Variants in BABAM2 observed in about 807,000 individuals in gnomAD.
The protein encoded by BABAM2 is BRISC and BRCA1-A complex member 2.
In BABAM2, 31 loss-of-function variants were observed where a neutral mutation model predicts 54.7. The observed-to-expected ratio is 0.57, with a 90% CI of 0.43 to 0.77. The LOEUF is 0.77. BABAM2 is among the 30% of genes least tolerant of loss of function. The probability of loss-of-function intolerance (pLI) is 0.00; values close to 1 mark genes in which losing one functional copy is unlikely to be tolerated. For synonymous variants in BABAM2, 167 were observed against 162.9 expected, an observed-to-expected ratio of 1.03 and a Z score of -0.19; for missense variants, 364 against 455.8, an observed-to-expected ratio of 0.80 and a Z score of 1.83.
At chr2:28,296,943 C>T (rs1409181612) in intron 10 of BABAM2, among the ~76,000 whole-genome samples, 4 of 152,204 alleles carry the variant, frequency 2.6e-5, no homozygotes, top group Non-Finnish European at 5.9e-5. Flanking sequence ...CCACCTCCGC[C>T]TCCCAGAGTG....
At chr2:28,230,789 T>C (rs375288579) in intron 7 of BABAM2, among the ~76,000 whole-genome samples, 1 of 152,058 alleles carries the variant, frequency 6.6e-6, no homozygotes, top group Non-Finnish European at 1.5e-5. Context: ...ATTTATGTTC[T>C]TCTGGGTTTT....
intron 3 of BABAM2, among the ~76,000 whole-genome samples, chr2:27,968,033 G>GA (rs1670948108): frequency 6.6e-6 from 1 of 152,228 alleles, no homozygotes; most frequent in Non-Finnish European, 1.5e-5. Flanking sequence ...ATTCTGAAGA[G>GA]AAAATTCAAG....
At chr2:27,940,234 A>G (rs1430913539) in intron 3 of BABAM2, among the ~76,000 whole-genome samples, 1 of 152,226 alleles carries the variant, frequency 6.6e-6, no homozygotes, top group Non-Finnish European at 1.5e-5. Flanking sequence ...TATAGCAGCT[A>G]TTCACATAAA....
intron 6 of BABAM2, among the ~76,000 whole-genome samples, chr2:28,112,734 T>G (rs1441275889): frequency 2.6e-5 from 4 of 152,178 alleles, no homozygotes; most frequent in African/African-American, 7.2e-5. Context: ...GTAATGGGAT[T>G]GCTGGGTCAA....
chr2:28,266,374 A>G (rs187245558), intron 10 of BABAM2, among the ~76,000 whole-genome samples: 8 of 152,294 alleles, frequency 5.3e-5, no homozygotes, highest in Admixed American at 3.9e-4. Context: ...ATTGCCATGG[A>G]TGTGCAGTTC....
intron 4 of BABAM2, among the ~76,000 whole-genome samples, chr2:28,001,258 T>G (rs1673559266): frequency 6.6e-6 from 1 of 152,258 alleles, no homozygotes; most frequent in Non-Finnish European, 1.5e-5. Flanking sequence ...AGATCCCATT[T>G]GTGTATGTAC....
chr2:28,318,494 T>C (rs920085764), intron 11 of BABAM2, among the ~76,000 whole-genome samples: 1 of 152,208 alleles, frequency 6.6e-6, no homozygotes, highest in South Asian at 2.1e-4. Flanking sequence ...AGATAATCTC[T>C]AGGGTTTTCA....
At chr2:27,891,160 G>A (rs1414434228) in intron 1 of BABAM2, 3 of 152,228 alleles carry the variant, frequency 2.0e-5, no homozygotes, top group Non-Finnish European at 4.4e-5. Flanking sequence ...GTCCCCTAGA[G>A]TGGGGTGGTC....
In BABAM2 at chr2:28,022,353, A is replaced by G. The variant is rs1675334420; in HGVS notation, c.301-2873A>G. 2.0e-5 allele frequency among the ~76,000 whole-genome samples: 3 copies of G among 152,254 alleles called. No individual in the cohort carries two copies. The South Asian group carries it at 6.2e-4, about 31-fold the overall frequency. ...GGAAGAGTAGGCAGATTTACATTCT[A>G]CACAGTCTCAATTATTGTTTACACG... On this transcript the variant is annotated intron_variant, in intron 4 of 11. Transcript: ENST00000379624.
At chr2:28,061,162 A>G (rs1206761037) in intron 6 of BABAM2, among the ~76,000 whole-genome samples, 1 of 152,134 alleles carries the variant, frequency 6.6e-6, no homozygotes, top group Non-Finnish European at 1.5e-5. Context: ...ACAGAATAGA[A>G]TATTCAGAAA....
At chr2:28,286,471 C>G (rs1213240264) in intron 10 of BABAM2, among the ~76,000 whole-genome samples, 3 of 152,178 alleles carry the variant, frequency 2.0e-5, no homozygotes, top group African/African-American at 7.2e-5. Flanking sequence ...CAGAGCCTCT[C>G]TGCTCCAGCT....
intron 7 of BABAM2, among the ~76,000 whole-genome samples, chr2:28,141,554 C>T (rs1227895761): frequency 6.6e-6 from 1 of 152,092 alleles, no homozygotes; most frequent in African/African-American, 2.4e-5. Context: ...CCTCCCCACC[C>T]AACACAAACA....
intron 7 of BABAM2, among the ~76,000 whole-genome samples, chr2:28,214,926 A>G (rs1250233616): frequency 6.6e-6 from 1 of 152,078 alleles, no homozygotes; most frequent in Admixed American, 6.6e-5. Flanking sequence ...ATGCTTAAAT[A>G]TGATAAAAGG....
intron 6 of BABAM2, among the ~76,000 whole-genome samples, chr2:28,053,444 A>T (rs1678149764): frequency 1.3e-5 from 2 of 152,222 alleles, no homozygotes; most frequent in Non-Finnish European, 1.5e-5. Context: ...GAGTGGGCAT[A>T]CTTTTCTAAA....
chr2:28,326,190 T>C (rs1690437558), intron 11 of BABAM2, among the ~76,000 whole-genome samples: 1 of 152,122 alleles, frequency 6.6e-6, no homozygotes, highest in Non-Finnish European at 1.5e-5. Context: ...TGGTGGTGAC[T>C]CACCACCATC....
At chr2:28,203,089 G>A (rs974072260) in intron 7 of BABAM2, among the ~76,000 whole-genome samples, 1 of 152,150 alleles carries the variant, frequency 6.6e-6, no homozygotes, top group Non-Finnish European at 1.5e-5. Flanking sequence ...GAAGTGTCAC[G>A]TTGAGCTAAG....
rs140312014 is a variant in BABAM2, at chr2:28,013,377, G to A, written c.301-11849G>A. ...GAAGTTTGGCTTACCTAGCAACTGG[G>A]TGAGGCTGCCTACTGAATGGCATTT... is the stretch of plus-strand genomic sequence containing the variant. On this transcript the variant is annotated intron_variant, in intron 4 of 11. Transcript: ENST00000379624. 405 of 455,644 alleles carry A rather than the reference G, an allele frequency of 8.9e-4. 4 individuals are homozygous for A. In the East Asian group the frequency reaches 0.019, roughly 22 times the overall value. The allele number at this position is 455,644 out of a possible 1,614,324, so 28.2% of individuals were successfully genotyped here.
intron 6 of BABAM2, among the ~76,000 whole-genome samples, chr2:28,096,177 G>A (rs1036700745): frequency 1.3e-5 from 2 of 152,088 alleles, no homozygotes; most frequent in Non-Finnish European, 2.9e-5. Context: ...CCTCACAACC[G>A]AGTGAGCAGG....
At chr2:27,997,203 A>T (rs151251153) in intron 4 of BABAM2, among the ~76,000 whole-genome samples, 4 of 152,256 alleles carry the variant, frequency 2.6e-5, no homozygotes, top group African/African-American at 9.6e-5. Flanking sequence ...GTTCACTTCC[A>T]ATATATATAT....
Sources: gnomAD v4.1 joint callset for allele counts (sites outside exome capture counted in the v4.1 genomes callset) on GRCh38, gnomAD v4.1.1 for gene constraint, MANE v1.5 for transcripts, NCBI Gene and HGNC (gene_info 2026-07-23, HGNC 2026-07-21) for gene names.